PFKFB4: variants seen among roughly 807,000 people sequenced by gnomAD.
PFKFB4 encodes 6-phosphofructo-2-kinase/fructose-2,6-bisphosphatase 4.
PFKFB4 carries 42 observed loss-of-function variants against 62.8 expected under a neutral mutation model. The observed-to-expected ratio is 0.67, with a 90% confidence interval of 0.52 to 0.86. PFKFB4 has a LOEUF of 0.86. Ranked by LOEUF, PFKFB4 falls within the 40% of genes least tolerant of loss-of-function variation. The pLI, the probability that PFKFB4 is intolerant of heterozygous loss-of-function variation, is 0.00. For synonymous variants in PFKFB4, 204 were observed against 240.7 expected, an observed-to-expected ratio of 0.85 and a Z score of 1.41; for missense variants, 475 against 627.2, an observed-to-expected ratio of 0.76 and a Z score of 2.59.
At position 48,521,729 on chromosome 3, in the gene PFKFB4, C is replaced by T. The variant is rs1342578770; in HGVS notation, c.1350+257G>A. ...CTCAAGTCCTGGGGCTCCAACCACACCCAAGTTCAGGCACTCCTGAGCCTG... is the reference window on the plus strand; with the variant it reads ...CTCAAGTCCTGGGGCTCCAACCACATCCAAGTTCAGGCACTCCTGAGCCTG... On this transcript the variant is annotated intron_variant, in intron 13 of 13. Transcript: ENST00000232375. This position sits in a 1 kb window ranked among gnomAD's most constrained non-coding sequence, Gnocchi z 5.3. 6.6e-6 allele frequency among the ~76,000 whole-genome samples: 1 copy of T among 152,190 alleles called. No individual in the cohort carries two copies. Among genetic ancestry groups the T allele is most frequent in the Non-Finnish European group, 1.5e-5 (1 of 68,026 alleles).
intron 6 of PFKFB4, among the ~76,000 whole-genome samples, chr3:48,538,963 T>C (rs1009286954): frequency 6.6e-6 from 1 of 152,158 alleles, no homozygotes; most frequent in Admixed American, 6.5e-5. Flanking sequence ...GAATGAGTCT[T>C]TCTTTCTCTG....
At chr3:48,535,689 A>G in intron 8 of PFKFB4, 31 bp from the exon 9 acceptor site, 1 of 1,613,560 alleles carries the variant, frequency 6.2e-7, no homozygotes, top group Non-Finnish European at 8.5e-7. Flanking sequence ...ACTCAGACCC[A>G]CAGGTCTTGG....
chr3:48,547,596 T>C (rs879362052), intron 3 of PFKFB4, among the ~76,000 whole-genome samples: 1 of 152,180 alleles, frequency 6.6e-6, no homozygotes, highest in Non-Finnish European at 1.5e-5. Context: ...TGCCTCAGCC[T>C]CCTGATGTAG....
intron 12 of PFKFB4, 73 bp downstream of exon 12, chr3:48,523,464 G>C (rs2042158899): frequency 7.2e-7 from 1 of 1,395,154 alleles, no homozygotes. Context: ...AAGGAATTCG[G>C]AGAAAATCAT....
At chr3:48,560,997 C>G, upstream of PFKFB4, 17 of 1,039,816 alleles carry the variant, frequency 1.6e-5, no homozygotes, top group Non-Finnish European at 1.9e-5. Context: ...ACCACCCTGA[C>G]TTCATCCAGG....
At chr3:48,538,827 C>T (rs1461360681) in intron 6 of PFKFB4, among the ~76,000 whole-genome samples, 2 of 152,162 alleles carry the variant, frequency 1.3e-5, no homozygotes, top group Non-Finnish European at 2.9e-5. Flanking sequence ...CACTGAGGGT[C>T]CAGGGATTGA....
chr3:48,562,615 T>G, upstream of PFKFB4: 1 of 661,664 alleles, frequency 1.5e-6, no homozygotes, highest in East Asian at 2.8e-5. The surrounding 1 kb of genome is among the most constrained non-coding windows in gnomAD (Gnocchi z 4.3). Context: ...AGATCTGATA[T>G]GACCTGCATG....
intron 7 of PFKFB4, among the ~76,000 whole-genome samples, chr3:48,537,053 G>T (rs2042643388): frequency 1.3e-5 from 2 of 152,162 alleles, no homozygotes; most frequent in Admixed American, 6.5e-5. Context: ...GGATGGTGCT[G>T]GTGGTGGCAG....
Position 48,522,109 on chromosome 3 carries a change from G to A in PFKFB4, c.1286-59C>T, listed in dbSNP as rs549188806. 289 of 1,477,574 alleles carry A rather than the reference G, an allele frequency of 2.0e-4. 1 individual carries two copies. Among genetic ancestry groups the A allele is most frequent in the Middle Eastern group, 1.2e-3 (7 of 5,808 alleles). 91.5% of individuals were successfully genotyped at this position (1,477,574 alleles called of 1,614,324 possible). On this transcript the variant is annotated intron_variant, in intron 12 of 13. Coordinates refer to ENST00000232375, the MANE Select transcript of PFKFB4 (RefSeq NM_004567.4). ...CCTGAAAGGCAGCTGAGCTGCAGATGCTAGAAACTTCTCTTGGAGGGGGGT... is the reference window on the plus strand; with the variant it reads ...CCTGAAAGGCAGCTGAGCTGCAGATACTAGAAACTTCTCTTGGAGGGGGGT...
chr3:48,557,434 G>A (rs2107613965), upstream of PFKFB4, among the ~76,000 whole-genome samples: 1 of 152,344 alleles, frequency 6.6e-6, no homozygotes, highest in South Asian at 2.1e-4. Context: ...ATAGGAGCAT[G>A]CTCAACCACG....
intron 9 of PFKFB4, among the ~76,000 whole-genome samples, chr3:48,534,498 C>T (rs1475846293): frequency 8.6e-5 from 13 of 151,614 alleles, no homozygotes; most frequent in African/African-American, 2.2e-4. Flanking sequence ...CATGAGACTC[C>T]GTCTCTACAA....
At chr3:48,542,069 G>A (rs1204370906) in intron 4 of PFKFB4, among the ~76,000 whole-genome samples, 3 of 152,202 alleles carry the variant, frequency 2.0e-5, no homozygotes, top group African/African-American at 4.8e-5. Context: ...GAGAAAGGCT[G>A]GGCGTGGTGG....
upstream of PFKFB4, among the ~76,000 whole-genome samples, chr3:48,561,378 T>G (rs921458204): frequency 1.3e-5 from 2 of 152,280 alleles, no homozygotes; most frequent in South Asian, 2.1e-4. The surrounding 1 kb of genome is among the most constrained non-coding windows in gnomAD (Gnocchi z 5.2). Flanking sequence ...TCTGCCTTCA[T>G]GTCCACCTAG....
intron 9 of PFKFB4, among the ~76,000 whole-genome samples, chr3:48,526,445 C>T (rs530278468): frequency 5.3e-5 from 8 of 151,716 alleles, no homozygotes; most frequent in African/African-American, 1.2e-4. Context: ...TGGTGGCGCA[C>T]GCCTGTAGTC....
At chr3:48,558,498 C>G (rs1018094819), upstream of PFKFB4, among the ~76,000 whole-genome samples, 4 of 152,240 alleles carry the variant, frequency 2.6e-5, no homozygotes, top group African/African-American at 9.6e-5. Flanking sequence ...CCATGCCCTC[C>G]CTGCCACAGC....
At chr3:48,531,883 A>C (rs1467996917) in intron 9 of PFKFB4, among the ~76,000 whole-genome samples, 4 of 152,208 alleles carry the variant, frequency 2.6e-5, no homozygotes. Flanking sequence ...GGCTACTATT[A>C]AAAAAAGAAA....
chr3:48,552,900 C>A (rs1575402514), intron 1 of PFKFB4, among the ~76,000 whole-genome samples: 1 of 152,232 alleles, frequency 6.6e-6, no homozygotes, highest in East Asian at 1.9e-4. Context: ...GGGTGCAAAA[C>A]AAGGCAATAA....
Position 48,550,071 on chromosome 3 carries a change from G to A in PFKFB4, c.214+47C>T, listed in dbSNP as rs752842216. On this transcript the variant is annotated intron_variant, in intron 2 of 13. Coordinates refer to ENST00000232375, the MANE Select transcript of PFKFB4 (RefSeq NM_004567.4). ...AGAATAGGCCTTCTCTATTCTCTTC[G>A]TCATGCCCCACAAAGCTCCCCTTAG... 42 of 1,472,928 alleles carry A rather than the reference G, an allele frequency of 2.9e-5. 1 individual carries two copies. Among genetic ancestry groups the A allele is most frequent in the Middle Eastern group, 3.4e-4 (2 of 5,828 alleles). 91.2% of individuals were successfully genotyped at this position (1,472,928 alleles called of 1,614,324 possible). A position where few individuals can be genotyped will look rare whatever the true frequency, so the allele number is the denominator to read the frequency against.
Position 48,556,619 on chromosome 3 carries a change from AGGC to A in PFKFB4, c.97+59_97+61del. The A allele has an allele frequency of 1.7e-6, 2 of 1,189,382 alleles. No homozygotes were observed. The highest frequency in any genetic ancestry group is 1.8e-5 in the African/African-American group (1 of 55,050). 73.7% of individuals were successfully genotyped at this position (1,189,382 alleles called of 1,614,324 possible). A position where few individuals can be genotyped will look rare whatever the true frequency, so the allele number is the denominator to read the frequency against. ...CCTTCTCCATGCGAGACCCCCGCCC[AGGC>A]CGCCCTACCCACCCATCCCGGTGCA... On this transcript the variant is annotated intron_variant, in intron 1 of 13. Coordinates refer to ENST00000232375, the MANE Select transcript of PFKFB4 (RefSeq NM_004567.4). The surrounding 1 kb of genome is among the most constrained non-coding windows in gnomAD (Gnocchi z 5.7).
Sources: allele counts gnomAD v4.1 joint callset (sites outside exome capture counted in the v4.1 genomes callset), GRCh38; gene constraint gnomAD v4.1.1; non-coding constraint Gnocchi (gnomAD v3.1); transcripts MANE v1.5; gene names NCBI Gene and HGNC (gene_info 2026-07-23, HGNC 2026-07-21).